SSBP1: variants seen among roughly 807,000 people sequenced by gnomAD.
The protein encoded by SSBP1 is single stranded DNA binding protein 1.
Under a neutral mutation model 27.0 loss-of-function variants are expected in SSBP1, and 20 were observed. That is an observed-to-expected ratio of 0.74 (90% CI 0.52 to 1.08). The LOEUF is 1.08. SSBP1 is among the 50% of genes least tolerant of loss of function. SSBP1 has a pLI of 0.00. For synonymous variants in SSBP1, 59 were observed against 59.3 expected (o/e 1.00, Z 0.02); for missense variants, 137 against 182.4 (o/e 0.75, Z 1.44).
intron 5 of SSBP1, among the ~76,000 whole-genome samples, chr7:141,744,383 G>A (rs1799688519): frequency 6.6e-6 from 1 of 152,196 alleles, no homozygotes; most frequent in African/African-American, 2.4e-5. Context: ...GCTGCCACAT[G>A]GTATTTCCAG....
intron 6 of SSBP1, among the ~76,000 whole-genome samples, chr7:141,749,831 C>T (rs1304590583): frequency 1.3e-5 from 2 of 152,180 alleles, no homozygotes; most frequent in African/African-American, 4.8e-5. Flanking sequence ...AAAATTTCTT[C>T]TATTTGAATT....
At chr7:141,746,135 C>A in intron 6 of SSBP1, 1 of 242,172 alleles carries the variant, frequency 4.1e-6, no homozygotes, top group Non-Finnish European at 6.6e-6. Context: ...ATTCTCCTGC[C>A]TCAGCCTCCT....
rs1008048021 is a variant in SSBP1, at chr7:141,750,456, G to A, written c.*102G>A. 77 of 927,360 alleles carry A rather than the reference G, an allele frequency of 8.3e-5. No individual in the cohort carries two copies. Among genetic ancestry groups the A allele is most frequent in the Non-Finnish European group, 1.1e-4 (67 of 624,744 alleles). 57.4% of individuals were successfully genotyped at this position (927,360 alleles called of 1,614,324 possible). On this transcript the variant is annotated 3_prime_UTR_variant, in exon 7 of 7. Coordinates refer to ENST00000265304, the MANE Select transcript of SSBP1 (RefSeq NM_003143.3). ...GACAAGAATTAAAATACTCTTTTAC[G>A]TAAAATGAGTAATAATCTTTTTTCT... is the stretch of plus-strand genomic sequence containing the variant.
At chr7:141,749,610 T>C (rs1282762480) in intron 6 of SSBP1, among the ~76,000 whole-genome samples, 5 of 152,212 alleles carry the variant, frequency 3.3e-5, no homozygotes, top group African/African-American at 9.6e-5. Flanking sequence ...GGTGAAACCC[T>C]GTCTCTATTA....
In SSBP1 at chr7:141,745,712, T is replaced by G. The variant is rs924175123; in HGVS notation, c.403+128T>G. The G allele has an allele frequency of 1.7e-4, 248 of 1,430,882 alleles. 1 individual carries two copies. Among genetic ancestry groups the G allele is most frequent in the Non-Finnish European group, 2.5e-5 (27 of 1,088,170 alleles). 88.6% of individuals were successfully genotyped at this position (1,430,882 alleles called of 1,614,324 possible). On this transcript the variant is annotated intron_variant, in intron 6 of 6. Transcript: ENST00000265304. ...TGAGTTAAGGCAACTCACTAGAAGATGTCCATAACTCTTATTTCTCTACTT... is the reference window on the plus strand; with the variant it reads ...TGAGTTAAGGCAACTCACTAGAAGAGGTCCATAACTCTTATTTCTCTACTT...
chr7:141,745,640 A>G (rs763619536), intron 6 of SSBP1, 56 bp downstream of exon 6: 1 of 1,605,102 alleles, frequency 6.2e-7, no homozygotes, highest in Admixed American at 1.7e-5. Context: ...CTTTTTTAAA[A>G]GCTTGGCTAC....
chr7:141,743,316 T>C (rs1456106032), intron 3 of SSBP1, among the ~76,000 whole-genome samples: 1 of 152,236 alleles, frequency 6.6e-6, no homozygotes, highest in Non-Finnish European at 1.5e-5. Flanking sequence ...TCTTCCTGGC[T>C]TGCAGATGGT....
At position 141,743,570 on chromosome 7, in the gene SSBP1, G is replaced by A. The variant is rs750115526; in HGVS notation, c.95G>A (p.Arg32His). 5.0e-6 allele frequency: 8 copies of A among 1,614,096 alleles called. No homozygotes were observed. Among genetic ancestry groups the A allele is most frequent in the South Asian group, 1.1e-5 (1 of 91,070 alleles). ...TSLVLERSLNRVHLLGRVGQD... is the reference protein window; with the variant it reads ...TSLVLERSLNHVHLLGRVGQD... ...TGATGTTGTGTTTCAGCCCTGAATC[G>A]TGTGCACTTACTTGGGCGAGTGGGT... Residue 32 changes from arginine (R) to histidine (H), a missense_variant, in exon 4 of 7, where the codon CGT (arginine) becomes CAT (histidine). By Grantham distance (29) the Arg-to-His change is conservative. This residue lies in a region of SSBP1 where 95 missense variants were observed against 152.0 expected (regional missense o/e 0.62). Coordinates refer to ENST00000265304, the MANE Select transcript of SSBP1 (RefSeq NM_003143.3).
At chr7:141,739,733 T>TAA (rs987364793) in intron 2 of SSBP1, 1 of 152,178 alleles carries the variant, frequency 6.6e-6, no homozygotes, top group African/African-American at 2.4e-5. Flanking sequence ...TTTCCTCACT[T>TAA]ACCACATTCG....
At position 141,743,940 on chromosome 7, in the gene SSBP1, G is replaced by A. The variant is rs1317606808; in HGVS notation, c.265G>A (p.Val89Ile). The A allele has an allele frequency of 6.2e-7, 1 of 1,613,016 alleles. No homozygotes were observed. Among genetic ancestry groups the A allele is most frequent in the East Asian group, 2.2e-5 (1 of 44,882 alleles). Residue 89 changes from valine to isoleucine, a missense_variant, in exon 5 of 7, where the codon GTA (valine) becomes ATA (isoleucine). Transcript: ENST00000265304. ...SQKTTWHRIS[V>I]FRPGLRDVAY... ...AAAGACAACATGGCACAGAATATCA[G>A]TATTCCGGCCAGGCCTCAGAGACGT...
rs774109769 is a variant in SSBP1 at position 141,743,883 on chromosome 7, T to C, written c.227-19T>C. Reference sequence around the variant, plus strand: ...TGTCTGTTGGCATTTGTAACCAATTTCCTATTTTTATGATTTAGGTGATGT... The same window carrying C: ...TGTCTGTTGGCATTTGTAACCAATTCCCTATTTTTATGATTTAGGTGATGT... On this transcript the variant is annotated intron_variant, in intron 4 of 6. Transcript: ENST00000265304. 5.0e-6 allele frequency: 8 copies of C among 1,599,988 alleles called. No individual in the cohort carries two copies. In the Admixed American group the frequency reaches 1.2e-4, roughly 24 times the overall value.
intron 2 of SSBP1, chr7:141,741,241 C>T (rs142056134): frequency 6.6e-6 from 1 of 152,248 alleles, no homozygotes; most frequent in East Asian, 1.9e-4. Flanking sequence ...CACCCTAGAT[C>T]CCTCGCATGA....
intron 2 of SSBP1, chr7:141,741,728 T>A (rs1418654783): frequency 2.0e-6 from 2 of 985,396 alleles, no homozygotes; most frequent in African/African-American, 3.5e-5. Flanking sequence ...TAGTACTTTT[T>A]GTCTCTTTTT....
chr7:141,743,957 C>T lies in SSBP1; in HGVS notation c.282C>T (p.Leu94=). Residue 94 remains leucine, a synonymous_variant, in exon 5 of 7, where the codon CTC becomes CTT. Coordinates refer to ENST00000265304, the MANE Select transcript of SSBP1 (RefSeq NM_003143.3). The part of the protein sequence containing the change: ...WHRISVFRPG[L]RDVAYQYVKK... ...GAATATCAGTATTCCGGCCAGGCCT[C>T]AGAGACGTGGCATATCAATATGTGA... is the stretch of plus-strand genomic sequence containing the variant. 1 of 1,613,288 alleles carries T rather than the reference C, an allele frequency of 6.2e-7. No individual in the cohort carries two copies. Among genetic ancestry groups the T allele is most frequent in the South Asian group, 1.1e-5 (1 of 90,994 alleles).
intron 5 of SSBP1, 73 bp from the exon 6 acceptor site, chr7:141,745,423 G>A: frequency 7.6e-7 from 1 of 1,307,596 alleles, no homozygotes; most frequent in Non-Finnish European, 1.1e-6. Context: ...CATATACTCA[G>A]TACCACCCTG....
chr7:141,739,202 T>C lies in SSBP1; in HGVS notation c.24+12T>C, dbSNP rs775976008. 6.3e-7 allele frequency: 1 copy of C among 1,596,440 alleles called. No homozygotes were observed. Among genetic ancestry groups the C allele is most frequent in the Admixed American group, 1.7e-5 (1 of 57,294 alleles). ...GACCTGTATTACAGGTAGTCACTTG[T>C]CTGTATTAATACTGAGATGTATTAC... On this transcript the variant is annotated intron_variant, in intron 2 of 6. Transcript: ENST00000265304.
At chr7:141,748,007 AAAAAAAAAAATTTTTTTTTT>A (rs1799846039) in intron 6 of SSBP1, among the ~76,000 whole-genome samples, 1 of 150,988 alleles carries the variant, frequency 6.6e-6, no homozygotes, top group Admixed American at 6.6e-5. Context: ...AAAAAAAAAA[AAAAAAAAAAATTTTTTTTTT>A]TTTACTATGG....
intron 4 of SSBP1, 49 bp from the exon 5 acceptor site, chr7:141,743,853 C>T (rs2117177903): frequency 6.3e-7 from 1 of 1,575,694 alleles, no homozygotes. Flanking sequence ...TTTTCCTGGG[C>T]ATGTTGTCTG....
chr7:141,742,157 G>T lies in SSBP1; in HGVS notation c.25-12G>T. The stretch of plus-strand genomic sequence containing the variant: ...AAAATTAAAGCCATGTTATTCATTT[G>T]TTCTTCTTTAGGTACTTCGTCAGTT... On this transcript the variant is annotated splice_polypyrimidine_tract_variant and intron_variant, in intron 2 of 6. Coordinates refer to ENST00000265304, the MANE Select transcript of SSBP1 (RefSeq NM_003143.3). The T allele has an allele frequency of 6.3e-7, 1 of 1,581,626 alleles. No homozygotes were observed. The highest frequency in any genetic ancestry group is 8.7e-7 in the Non-Finnish European group (1 of 1,154,872).
Sources: gnomAD v4.1 joint callset for allele counts (sites outside exome capture counted in the v4.1 genomes callset) on GRCh38, gnomAD v4.1.1 for gene constraint, gnomAD v4.1.1 regional missense constraint, MANE v1.5 for transcripts, NCBI Gene and HGNC (gene_info 2026-07-23, HGNC 2026-07-21) for gene names.